The following FCAR variants were observed in gnomAD, a reference collection of about 807,000 sequenced individuals.
FCAR encodes the protein immunoglobulin alpha Fc receptor.
In FCAR, 21 loss-of-function variants were observed where a neutral mutation model predicts 27.1. That is an observed-to-expected ratio of 0.77 (90% CI 0.55 to 1.11). The LOEUF (loss-of-function observed/expected upper bound fraction) is 1.11. FCAR is among the 50% of genes most tolerant of loss of function. The probability of loss-of-function intolerance (pLI) is 0.00; values close to 1 mark genes in which losing one functional copy is unlikely to be tolerated. For synonymous variants in FCAR, 134 were observed against 135.8 expected (o/e 0.99, Z 0.09); for missense variants, 404 against 358.4 (o/e 1.13, Z -1.03).
intron 2 of FCAR, among the ~76,000 whole-genome samples, chr19:54,881,741 G>A (rs944400623): frequency 2.0e-5 from 3 of 152,098 alleles, no homozygotes; most frequent in Non-Finnish European, 4.4e-5. Context: ...GCGTGGTGGC[G>A]GGCGCCTGTA....
At chr19:54,882,390 A>G (rs4806606) in intron 2 of FCAR, among the ~76,000 whole-genome samples, 58,734 of 151,632 alleles carry the variant, frequency 0.39, 12,965 homozygotes, top group African/African-American at 0.6. Context: ...ATTTCTGGGG[A>G]ACTATCGAGT....
chr19:54,886,873 C>A (rs983084230), intron 3 of FCAR, among the ~76,000 whole-genome samples: 3 of 152,214 alleles, frequency 2.0e-5, no homozygotes, highest in African/African-American at 7.2e-5. Flanking sequence ...GCAGGCAAGA[C>A]CACAGAAGCA....
intron 2 of FCAR, among the ~76,000 whole-genome samples, chr19:54,884,964 G>T (rs1391728874): frequency 1.3e-5 from 2 of 151,830 alleles, no homozygotes; most frequent in Non-Finnish European, 2.9e-5. Context: ...CCGCCACCAC[G>T]TCCTGCTAAT....
Position 54,890,599 on chromosome 19 carries a change from A to G in FCAR, c.*736A>G, listed in dbSNP as rs2067026159. On this transcript the variant is annotated 3_prime_UTR_variant, in exon 5 of 5. Coordinates refer to ENST00000355524, the MANE Select transcript of FCAR (RefSeq NM_002000.4). ...CCCACCATCACGCCCAGCTACTTTT[A>G]CAGTATTTTTAGTAGAGACGGGGTT... The G allele has an allele frequency of 6.6e-6, 1 of 151,088 alleles. No homozygotes were observed. Among genetic ancestry groups the G allele is most frequent in the South Asian group, 2.1e-4 (1 of 4,760 alleles). 9.4% of individuals were successfully genotyped at this position (151,088 alleles called of 1,614,324 possible).
intron 2 of FCAR, among the ~76,000 whole-genome samples, chr19:54,883,228 G>C (rs1050196309): frequency 6.6e-5 from 10 of 151,448 alleles, no homozygotes; most frequent in Non-Finnish European, 1.5e-4. Context: ...TGTTTACCAG[G>C]CTGGTCTCAA....
In FCAR at chr19:54,890,918, A is replaced by C. The variant is rs2067044964; in HGVS notation, c.*1055A>C. On this transcript the variant is annotated 3_prime_UTR_variant, in exon 5 of 5. Coordinates refer to ENST00000355524, the MANE Select transcript of FCAR (RefSeq NM_002000.4). ...CAGCCTCCTGCTGTGTTCATCTACA[A>C]ATTGATAAGAGTGAAAGTCATAATC... 6.6e-6 allele frequency: 1 copy of C among 152,064 alleles called. No homozygotes were observed. Among genetic ancestry groups the C allele is most frequent in the South Asian group, 2.1e-4 (1 of 4,830 alleles). 9.4% of individuals were successfully genotyped at this position (152,064 alleles called of 1,614,324 possible).
chr19:54,886,102 G>A (rs1334867902), intron 3 of FCAR, among the ~76,000 whole-genome samples: 1 of 151,838 alleles, frequency 6.6e-6, no homozygotes, highest in African/African-American at 2.4e-5. Context: ...GAAAAAATTG[G>A]CCAGGCCTGG....
chr19:54,888,289 T>C lies in FCAR; in HGVS notation c.644T>C (p.Val215Ala). 1 of 1,613,928 alleles carries C rather than the reference T, an allele frequency of 6.2e-7. No individual in the cohort carries two copies. Among genetic ancestry groups the C allele is most frequent in the Non-Finnish European group, 8.5e-7 (1 of 1,179,918 alleles). Reference sequence around the variant, plus strand: ...CCCAGTAATGCCTTGGAGCTTGTGGTCACAGGTAGGTACCGCCCAGTCCAG... The same window carrying C: ...CCCAGTAATGCCTTGGAGCTTGTGGCCACAGGTAGGTACCGCCCAGTCCAG... ...SFPSNALELV[V>A]TDSIHQDYTT... is the part of the protein sequence containing the mutation. The change falls in exon 4 of 5, where the codon GTC becomes GCC. Residue 215 changes from valine to alanine, a missense_variant. Physicochemically the swap from Val to Ala is moderately conservative, Grantham distance 64. Coordinates refer to ENST00000355524, the MANE Select transcript of FCAR (RefSeq NM_002000.4).
intron 2 of FCAR, among the ~76,000 whole-genome samples, chr19:54,884,682 T>G: frequency 2.9e-5 from 4 of 140,336 alleles, no homozygotes; most frequent in Non-Finnish European, 4.6e-5. Flanking sequence ...GACTACTAGA[T>G]GGGGGGGAAG....
At chr19:54,875,516 C>G in intron 2 of FCAR, 151 bp downstream of exon 2, 1 of 716,810 alleles carries the variant, frequency 1.4e-6, no homozygotes, top group Non-Finnish European at 2.4e-6. Context: ...TTCTATCTCA[C>G]TTTGTTATCT....
At chr19:54,889,570 C>A in intron 4 of FCAR, 79 bp from the exon 5 acceptor site, 2 of 1,230,290 alleles carry the variant, frequency 1.6e-6, no homozygotes, top group Non-Finnish European at 2.4e-6. Flanking sequence ...GGAAAATGAG[C>A]TCCCGTTTCA....
At chr19:54,878,156 A>G (rs1453308862) in intron 2 of FCAR, among the ~76,000 whole-genome samples, 1 of 152,108 alleles carries the variant, frequency 6.6e-6, no homozygotes, top group African/African-American at 2.4e-5. Flanking sequence ...TGACCTCATG[A>G]TCCGCCAGCC....
At chr19:54,878,360 C>T (rs189188127) in intron 2 of FCAR, among the ~76,000 whole-genome samples, 2 of 152,252 alleles carry the variant, frequency 1.3e-5, no homozygotes, top group Admixed American at 1.3e-4. Context: ...CTGCTGAGTT[C>T]AGGTCCTGAA....
At chr19:54,885,570 T>G in intron 3 of FCAR, 45 bp downstream of exon 3, 3 of 1,397,186 alleles carry the variant, frequency 2.1e-6, no homozygotes, top group Non-Finnish European at 3.0e-6. Context: ...GATTTTTTTC[T>G]TATTTTTAAT....
rs1206334163 is a variant in FCAR at position 54,888,225 on chromosome 19, T to C, written c.580T>C (p.Tyr194His). ...CAATGTCTCAGGGATCTACAGGTGC[T>C]ACGGTTGGTACAACAGGAGCCCCTA... ...DLNVSGIYRC[Y>H]GWYNRSPYLW... Residue 194 changes from tyrosine (Y) to histidine (H), a missense_variant, in exon 4 of 5, where the codon TAC (tyrosine) becomes CAC (histidine). Physicochemically the swap from Tyr to His is moderately conservative, Grantham distance 83 (BLOSUM62 2). Transcript: ENST00000355524. The C allele has an allele frequency of 3.8e-5, 62 of 1,614,210 alleles. No individual in the cohort carries two copies. Among genetic ancestry groups the C allele is most frequent in the Non-Finnish European group, 5.2e-5 (61 of 1,180,022 alleles).
chr19:54,875,910 T>C (rs587630736), intron 2 of FCAR, among the ~76,000 whole-genome samples: 3 of 152,312 alleles, frequency 2.0e-5, no homozygotes, highest in Non-Finnish European at 4.4e-5. Context: ...TCCAGCTCCT[T>C]CTAAAGCCTG....
In FCAR at chr19:54,888,106, A is replaced by T; in HGVS notation, c.461A>T (p.Asp154Val). 1.2e-6 allele frequency: 2 copies of T among 1,614,072 alleles called. No homozygotes were observed. Among genetic ancestry groups the T allele is most frequent in the Non-Finnish European group, 1.7e-6 (2 of 1,179,974 alleles). The stretch of plus-strand genomic sequence containing the variant: ...TGCAGCTCAGCACACATCCCATTTG[A>T]TAGATTTTCACTGGCCAAGGAGGGA... Reference protein sequence around the residue: ...LTCSSAHIPFDRFSLAKEGEL... With the variant: ...LTCSSAHIPFVRFSLAKEGEL... Residue 154 changes from aspartate (D) to valine (V), a missense_variant, in exon 4 of 5, where the codon GAT (aspartate) becomes GTT (valine). Coordinates refer to ENST00000355524, the MANE Select transcript of FCAR (RefSeq NM_002000.4).
At chr19:54,880,662 C>G (rs1052277485) in intron 2 of FCAR, among the ~76,000 whole-genome samples, 2 of 152,168 alleles carry the variant, frequency 1.3e-5, no homozygotes, top group Non-Finnish European at 2.9e-5. Context: ...CTTTCTCATC[C>G]ATGTGGGCTA....
intron 1 of FCAR, among the ~76,000 whole-genome samples, chr19:54,875,005 C>G (rs1051965660): frequency 6.6e-6 from 1 of 152,044 alleles, no homozygotes; most frequent in Non-Finnish European, 1.5e-5. Flanking sequence ...CCTGTCTCTA[C>G]TAAAAATACA....
Sources: allele counts gnomAD v4.1 joint callset (sites outside exome capture counted in the v4.1 genomes callset), GRCh38; gene constraint gnomAD v4.1.1; transcripts MANE v1.5; gene names NCBI Gene and HGNC (gene_info 2026-07-23, HGNC 2026-07-21).